The following DDC variants were observed in gnomAD, a reference collection of about 807,000 sequenced individuals.
DDC encodes the protein dopa decarboxylase.
Under a neutral mutation model 60.0 loss-of-function variants are expected in DDC, and 43 were observed. The observed-to-expected ratio is 0.72, with a 90% CI of 0.56 to 0.92. The LOEUF is 0.92. Among genes scored for constraint, DDC ranks in the 40% least tolerant of loss-of-function variants. The pLI is 0.00. For synonymous variants in DDC, 232 were observed against 234.6 expected (o/e 0.99, Z 0.10); for missense variants, 573 against 620.2 (o/e 0.92, Z 0.81).
chr7:50,474,560 G>A (rs989656905), intron 11 of DDC, among the ~76,000 whole-genome samples: 5 of 152,320 alleles, frequency 3.3e-5, no homozygotes, highest in African/African-American at 1.2e-4. Flanking sequence ...CTTGGTGAAC[G>A]GTAGAAACTG....
At chr7:50,484,631 A>C (rs79210221) in intron 9 of DDC, among the ~76,000 whole-genome samples, 2,934 of 152,320 alleles carry the variant, frequency 0.019, 170 homozygotes, top group Admixed American at 0.12. Context: ...ACAGATGTGT[A>C]TGTGTACTTG....
intron 9 of DDC, among the ~76,000 whole-genome samples, chr7:50,481,969 A>G (rs972777182): frequency 6.6e-6 from 1 of 152,226 alleles, no homozygotes; most frequent in African/African-American, 2.4e-5. Context: ...ACATATCCCA[A>G]TCCATTCATT....
rs1337852130 is a variant in DDC at position 50,458,463 on chromosome 7, G to A, written c.*399C>T. The A allele has an allele frequency of 6.6e-6, 1 of 152,190 alleles. No homozygotes were observed. Among genetic ancestry groups the A allele is most frequent in the Non-Finnish European group, 1.5e-5 (1 of 68,046 alleles). The allele number at this position is 152,190 out of a possible 1,614,324, so 9.4% of individuals were successfully genotyped here. On this transcript the variant is annotated 3_prime_UTR_variant, in exon 15 of 15. Coordinates refer to ENST00000444124, the MANE Select transcript of DDC (RefSeq NM_001082971.2). Reference sequence around the variant, plus strand: ...AGTATTTCACTTGAATTGTTTATTAGGCATTTAGCCACATGACAAAAGACA... The same window carrying A: ...AGTATTTCACTTGAATTGTTTATTAAGCATTTAGCCACATGACAAAAGACA...
chr7:50,492,983 A>G, intron 9 of DDC: 2 of 1,598,292 alleles, frequency 1.3e-6, no homozygotes, highest in South Asian at 1.1e-5. Flanking sequence ...TTCAGCCTTA[A>G]CATACGCACT....
At chr7:50,513,130 C>G (rs989686224) in intron 6 of DDC, among the ~76,000 whole-genome samples, 4 of 152,162 alleles carry the variant, frequency 2.6e-5, no homozygotes, top group African/African-American at 9.7e-5. Flanking sequence ...TCCTGCAGGT[C>G]TCAGGAGGCA....
intron 9 of DDC, among the ~76,000 whole-genome samples, chr7:50,480,929 G>A (rs1291207307): frequency 3.9e-5 from 6 of 152,172 alleles, no homozygotes; most frequent in African/African-American, 1.4e-4. Flanking sequence ...TCACTGGGCT[G>A]GCCTTTGAAG....
At position 50,467,104 on chromosome 7, in the gene DDC, C is replaced by T. The variant is rs1156376670; in HGVS notation, c.1242+110G>A. On this transcript the variant is annotated intron_variant, in intron 13 of 14. Coordinates refer to ENST00000444124, the MANE Select transcript of DDC (RefSeq NM_001082971.2). ...TGGGCCAAAGAATGCAGGCTTTGCT[C>T]TGCCATCTCTGGAGAGCCAGTGCCA... is the stretch of plus-strand genomic sequence containing the variant. 3 of 1,014,952 alleles carry T rather than the reference C, an allele frequency of 3.0e-6. 1 individual carries two copies. Among genetic ancestry groups the T allele is most frequent in the Non-Finnish European group, 4.6e-6 (3 of 645,860 alleles). The allele number at this position is 1,014,952 out of a possible 1,614,324, so 62.9% of individuals were successfully genotyped here. A position where few individuals can be genotyped will look rare whatever the true frequency, so the allele number is the denominator to read the frequency against.
intron 12 of DDC, 28 bp from the exon 13 acceptor site, chr7:50,467,343 T>A (rs746931974): frequency 2.5e-6 from 4 of 1,582,768 alleles, no homozygotes; most frequent in Non-Finnish European, 3.5e-6. Context: ...AAAATCTGTT[T>A]TTCTCATGGC....
At chr7:50,467,937 C>T (rs546307731) in intron 12 of DDC, among the ~76,000 whole-genome samples, 3 of 152,350 alleles carry the variant, frequency 2.0e-5, no homozygotes, top group South Asian at 2.1e-4. Context: ...CATTCAGAAA[C>T]GGCCTTCCTC....
rs1361615816 is a variant in DDC at position 50,529,198 on chromosome 7, A to T, written c.570+10T>A. 6.2e-7 allele frequency: 1 copy of T among 1,612,856 alleles called. No homozygotes were observed. Among genetic ancestry groups the T allele is most frequent in the South Asian group, 1.1e-5 (1 of 91,012 alleles). ...TGAAGTCTTGGCTGATACCCCCACA[A>T]CACACTCACCTGATCGGATGAGTAA... On this transcript the variant is annotated intron_variant, in intron 5 of 14. Coordinates refer to ENST00000444124, the MANE Select transcript of DDC (RefSeq NM_001082971.2).
intron 9 of DDC, among the ~76,000 whole-genome samples, chr7:50,493,541 C>T (rs1364737964): frequency 1.3e-5 from 2 of 152,208 alleles, no homozygotes; most frequent in Non-Finnish European, 2.9e-5. Flanking sequence ...ATCAAAATTA[C>T]CCCTCGAATA....
intron 9 of DDC, among the ~76,000 whole-genome samples, chr7:50,486,186 G>C (rs1301499847): frequency 6.6e-6 from 1 of 152,174 alleles, no homozygotes; most frequent in African/African-American, 2.4e-5. Context: ...TCATTCTCCA[G>C]CTTCTATATC....
intron 6 of DDC, among the ~76,000 whole-genome samples, chr7:50,516,908 A>C (rs2043748128): frequency 2.0e-5 from 3 of 151,716 alleles, no homozygotes; most frequent in South Asian, 4.1e-4. Context: ...ACAGACCAAC[A>C]ACAAGCAGTG....
chr7:50,510,730 A>T (rs538632206), intron 6 of DDC, among the ~76,000 whole-genome samples: 4 of 150,748 alleles, frequency 2.7e-5, no homozygotes, highest in Admixed American at 6.6e-5. Flanking sequence ...GCCTGTAATC[A>T]CAGCACTTTG....
chr7:50,459,489 C>T (rs1453732446), intron 14 of DDC, among the ~76,000 whole-genome samples: 5 of 150,206 alleles, frequency 3.3e-5, no homozygotes, highest in South Asian at 2.1e-4. Flanking sequence ...TCTGCCCGGC[C>T]GCCATCCTAT....
intron 1 of DDC, among the ~76,000 whole-genome samples, chr7:50,549,917 G>A (rs1487165201): frequency 1.3e-5 from 2 of 152,218 alleles, no homozygotes; most frequent in African/African-American, 4.8e-5. Flanking sequence ...GACATCTTGA[G>A]ATAGAGTCTA....
chr7:50,480,953 C>T (rs4948196), intron 9 of DDC, among the ~76,000 whole-genome samples: 83,487 of 152,076 alleles, frequency 0.55, 23,093 homozygotes, highest in Admixed American at 0.62. Flanking sequence ...CTGTGCTTTA[C>T]GGTAATTGCC....
At chr7:50,501,649 C>T (rs936992875) in intron 7 of DDC, among the ~76,000 whole-genome samples, 9 of 152,122 alleles carry the variant, frequency 5.9e-5, no homozygotes, top group Non-Finnish European at 1.3e-4. Flanking sequence ...AGAACAGTCC[C>T]GCTTGGAGTT....
At chr7:50,551,017 ACT>A (rs1393289172) in intron 1 of DDC, among the ~76,000 whole-genome samples, 5 of 152,178 alleles carry the variant, frequency 3.3e-5, no homozygotes, top group Non-Finnish European at 7.3e-5. Flanking sequence ...GTTTCTGCAC[ACT>A]TTCTTTTGCA....
Sources: gnomAD v4.1 joint callset for allele counts (sites outside exome capture counted in the v4.1 genomes callset) on GRCh38, gnomAD v4.1.1 for gene constraint, MANE v1.5 for transcripts, NCBI Gene and HGNC (gene_info 2026-07-23, HGNC 2026-07-21) for gene names.